The following CCDC7 variants were observed in gnomAD, a reference collection of about 807,000 sequenced individuals.
CCDC7 encodes the protein coiled-coil domain containing 7, also known as coiled-coil domain-containing protein 7.
A neutral mutation model predicts 196.9 loss-of-function variants in CCDC7; 183 were observed. The ratio of observed to expected loss-of-function variants is 0.93; its 90% CI spans 0.82 to 1.05. The LOEUF is 1.05. CCDC7 is among the 50% of genes least tolerant of loss of function. The probability of loss-of-function intolerance (pLI) is 0.00; values close to 1 mark genes in which losing one functional copy is unlikely to be tolerated. For synonymous variants in CCDC7, 525 were observed against 484.6 expected (o/e 1.08, Z -1.10); for missense variants, 1,540 against 1,482.2 (o/e 1.04, Z -0.64).
At chr10:32,845,708 A>C in intron 35 of CCDC7, 82 bp downstream of exon 36, 1 of 1,297,072 alleles carries the variant, frequency 7.7e-7, no homozygotes, top group Non-Finnish European at 1.1e-6. Context: ...ATTTAATGGC[A>C]ATAGTACCTA....
exon 6 of CCDC7, chr10:32,471,089 A>G: frequency 6.2e-7 from 1 of 1,606,874 alleles, no homozygotes; most frequent in Non-Finnish European, 8.5e-7. Context: ...ACTCTTTTAC[A>G]AGCAGAGCCT....
At chr10:32,523,716 T>A (rs929296956) in intron 11 of CCDC7, among the ~76,000 whole-genome samples, 1 of 150,186 alleles carries the variant, frequency 6.7e-6, no homozygotes, top group Non-Finnish European at 1.5e-5. Flanking sequence ...GACCTCTTTG[T>A]CATTATATAA....
Position 32,847,822 on chromosome 10 carries a change from T to C in CCDC7, c.3689-11T>C. The C allele has an allele frequency of 1.9e-6, 3 of 1,559,104 alleles. No individual in the cohort carries two copies. Among genetic ancestry groups the C allele is most frequent in the Non-Finnish European group, 2.6e-6 (3 of 1,145,696 alleles). Reference sequence around the variant, plus strand: ...TTAAAAAGTGTTTTGAAATGTGTTTTATGTCTATAGAGACTGATGTAGAAC... The same window carrying C: ...TTAAAAAGTGTTTTGAAATGTGTTTCATGTCTATAGAGACTGATGTAGAAC... On this transcript the variant is annotated splice_polypyrimidine_tract_variant and intron_variant, in intron 37 of 41. Transcript: ENST00000639629.
intron 28 of CCDC7, among the ~76,000 whole-genome samples, chr10:32,746,769 C>T (rs2074820871): frequency 6.6e-6 from 1 of 152,194 alleles, no homozygotes; most frequent in South Asian, 2.1e-4. Context: ...CACCCACCTG[C>T]AGCCTCCTCG....
chr10:32,869,247 C>T (rs373821555), intron 41 of CCDC7, among the ~76,000 whole-genome samples: 1 of 151,954 alleles, frequency 6.6e-6, no homozygotes, highest in Non-Finnish European at 1.5e-5. Context: ...CCTGACTTTT[C>T]AATGATCGCC....
intron 24 of CCDC7, among the ~76,000 whole-genome samples, chr10:32,701,217 TGA>T (rs1449094880): frequency 2.6e-5 from 4 of 152,202 alleles, no homozygotes; most frequent in African/African-American, 9.6e-5. Flanking sequence ...CTTATTATTT[TGA>T]GATATGTCCC....
chr10:32,544,781 ACT>A (rs1185421251), intron 13 of CCDC7, among the ~76,000 whole-genome samples: 1 of 151,988 alleles, frequency 6.6e-6, no homozygotes, highest in African/African-American at 2.4e-5. Context: ...GAAATTGTAA[ACT>A]CTGTGTCTGA....
At chr10:32,833,893 C>A (rs552616025) in intron 32 of CCDC7, among the ~76,000 whole-genome samples, 4 of 152,090 alleles carry the variant, frequency 2.6e-5, no homozygotes. Flanking sequence ...GTCTGGGTCA[C>A]TGCAGTTTTC....
chr10:32,715,528 A>G (rs1233945301), intron 25 of CCDC7, among the ~76,000 whole-genome samples: 4 of 152,202 alleles, frequency 2.6e-5, no homozygotes, highest in East Asian at 1.9e-4. Flanking sequence ...CAGCAAGGGA[A>G]TAAAACAGGA....
At chr10:32,746,120 A>T (rs1473269652) in intron 28 of CCDC7, among the ~76,000 whole-genome samples, 2 of 152,086 alleles carry the variant, frequency 1.3e-5, no homozygotes, top group African/African-American at 4.8e-5. Flanking sequence ...GACCATCAAG[A>T]AGACGGACAC....
rs777611297 is a variant in CCDC7 at position 32,835,261 on chromosome 10, ATT to A, written c.3352+364_3352+365del. 3.3e-5 allele frequency among the ~76,000 whole-genome samples: 5 copies of A among 152,218 alleles called. No individual in the cohort carries two copies. In the East Asian group the frequency reaches 9.7e-4, roughly 29 times the overall value. ...ATCTGTCTAAAAGTCTCCCACTATTATTGTGTTGGAGCCTAAGTCTCTTTGAA... is the reference window on the plus strand; with the variant it reads ...ATCTGTCTAAAAGTCTCCCACTATTAGTGTTGGAGCCTAAGTCTCTTTGAA... On this transcript the variant is annotated intron_variant, in intron 33 of 41. Transcript: ENST00000639629.
intron 11 of CCDC7, among the ~76,000 whole-genome samples, chr10:32,539,110 TA>T (rs1296655299): frequency 6.6e-6 from 1 of 152,154 alleles, no homozygotes; most frequent in African/African-American, 2.4e-5. Context: ...ATATATCTGG[TA>T]GAATTTGGCT....
chr10:32,627,623 T>G (rs541825729), intron 18 of CCDC7, among the ~76,000 whole-genome samples: 7 of 152,084 alleles, frequency 4.6e-5, no homozygotes, highest in African/African-American at 1.4e-4. Flanking sequence ...TTTTAACTAT[T>G]GATTATAATG....
chr10:32,854,889 TA>T (rs2093691628), intron 41 of CCDC7, among the ~76,000 whole-genome samples: 1 of 151,974 alleles, frequency 6.6e-6, no homozygotes, highest in South Asian at 2.1e-4. Context: ...CCATTGTTCA[TA>T]TATATTTATG....
At chr10:32,543,447 C>A (rs1156545568) in intron 12 of CCDC7, 62 bp downstream of exon 13, 1 of 1,193,934 alleles carries the variant, frequency 8.4e-7, no homozygotes. Context: ...TCTTTTTATA[C>A]AAACAATTTA....
At chr10:32,661,834 G>C (rs1446341139) in intron 20 of CCDC7, among the ~76,000 whole-genome samples, 3 of 152,174 alleles carry the variant, frequency 2.0e-5, no homozygotes, top group Non-Finnish European at 4.4e-5. Context: ...TGCACTGCCT[G>C]GGTTTGGAGT....
intron 18 of CCDC7, among the ~76,000 whole-genome samples, chr10:32,585,219 G>A (rs1351159745): frequency 2.0e-5 from 3 of 151,978 alleles, no homozygotes; most frequent in Admixed American, 1.3e-4. Flanking sequence ...GACTACAGGC[G>A]CATGCCGCCA....
At chr10:32,645,990 G>A (rs1202527367) in intron 20 of CCDC7, among the ~76,000 whole-genome samples, 1 of 150,662 alleles carries the variant, frequency 6.6e-6, no homozygotes, top group African/African-American at 2.4e-5. Context: ...ACAGCTTTTT[G>A]TTTTGTTCAT....
At chr10:32,613,605 A>G (rs1239940157) in intron 18 of CCDC7, among the ~76,000 whole-genome samples, 2 of 152,190 alleles carry the variant, frequency 1.3e-5, no homozygotes, top group Admixed American at 6.5e-5. Context: ...AGATTCTGGT[A>G]TGCTGTGCCT....
Sources: allele counts gnomAD v4.1 joint callset (sites outside exome capture counted in the v4.1 genomes callset), GRCh38; gene constraint gnomAD v4.1.1; transcripts MANE v1.5; gene names NCBI Gene and HGNC (gene_info 2026-07-23, HGNC 2026-07-21).